Variants in ULK1 observed in about 807,000 individuals in gnomAD.
The protein encoded by ULK1 is serine/threonine-protein kinase ULK1.
Under a neutral mutation model 117.5 loss-of-function variants are expected in ULK1, and 48 were observed. The observed-to-expected ratio is 0.41, with a 90% CI of 0.32 to 0.52. The LOEUF (loss-of-function observed/expected upper bound fraction) is 0.52. Ranked by LOEUF, ULK1 falls within the 20% of genes least tolerant of loss-of-function variation. The pLI is 0.29. For synonymous variants in ULK1, 790 were observed against 637.8 expected (o/e 1.24, Z -3.60); for missense variants, 1,387 against 1,473.4 (o/e 0.94, Z 0.96).
rs771033395 is a variant in ULK1 at position 131,909,925 on chromosome 12, C to T, written c.732C>T (p.Pro244=). Reference sequence around the variant, plus strand: ...CAGCCTCCTCTTGCCCCAGCATCCCCCGGGAGACCTCGGCCCCGCTGCGGC... The same window carrying T: ...CAGCCTCCTCTTGCCCCAGCATCCCTCGGGAGACCTCGGCCCCGCTGCGGC... ...EKNKTLVPTI[P]RETSAPLRQL... Residue 244 remains proline (P), a synonymous_variant, in exon 10 of 28, where the codon CCC becomes CCT. Coordinates refer to ENST00000321867, the MANE Select transcript of ULK1 (RefSeq NM_003565.4). 7 of 1,612,002 alleles carry T rather than the reference C, an allele frequency of 4.3e-6. No individual in the cohort carries two copies. The Admixed American group carries it at 1.0e-4, about 23-fold the overall frequency.
At chr12:131,899,915 C>T (rs1043192984) in intron 3 of ULK1, among the ~76,000 whole-genome samples, 2 of 152,018 alleles carry the variant, frequency 1.3e-5, no homozygotes, top group South Asian at 2.1e-4. Context: ...GTCAGGAGAT[C>T]GAGACTATCC....
In ULK1 at chr12:131,908,634, C is replaced by T. The variant is rs1889380731; in HGVS notation, c.317-10C>T. 2.0e-6 allele frequency: 3 copies of T among 1,488,336 alleles called. No individual in the cohort carries two copies. The highest frequency in any genetic ancestry group is 2.7e-6 in the Non-Finnish European group (3 of 1,125,464). The allele number at this position is 1,488,336 out of a possible 1,614,324, so 92.2% of individuals were successfully genotyped here. On this transcript the variant is annotated splice_polypyrimidine_tract_variant and intron_variant, in intron 5 of 27. Coordinates refer to ENST00000321867, the MANE Select transcript of ULK1 (RefSeq NM_003565.4). The stretch of plus-strand genomic sequence containing the variant: ...ACGGCCCCCAGGCCCTGAGCCGCCT[C>T]TCCCCGCAGCCATGCGCACGCTGAG...
chr12:131,899,081 A>G (rs7133672), intron 3 of ULK1, among the ~76,000 whole-genome samples: 53,343 of 150,900 alleles, frequency 0.35, 13,108 homozygotes, highest in East Asian at 0.69. Flanking sequence ...TTTTCGCCAC[A>G]TTGGCCAGGC....
Position 131,914,437 on chromosome 12 carries a change from G to C in ULK1, c.1333G>C (p.Glu445Gln), listed in dbSNP as rs376911490. The change falls in exon 16 of 28, where the codon GAG (glutamate) becomes CAG (glutamine). Residue 445 changes from glutamate to glutamine, a missense_variant. Around this residue, in one of 4 missense-constraint regions of ULK1, gnomAD observed 900 missense variants for 858.9 expected, o/e 1.05. Coordinates refer to ENST00000321867, the MANE Select transcript of ULK1 (RefSeq NM_003565.4). The stretch of plus-strand genomic sequence containing the variant: ...GCAGGTGCAGAACTACCAGCGCATT[G>C]AGCGAAACCTGCAGTCACCCACCCA... ...PTQVQNYQRI[E>Q]RNLQSPTQFQ... The C allele has an allele frequency of 6.2e-7, 1 of 1,612,760 alleles. No individual in the cohort carries two copies. The highest frequency in any genetic ancestry group is 8.5e-7 in the Non-Finnish European group (1 of 1,179,958).
At chr12:131,907,608 T>TG in intron 5 of ULK1, 77 bp downstream of exon 5, 2 of 1,537,830 alleles carry the variant, frequency 1.3e-6, no homozygotes, top group Admixed American at 3.8e-5. Context: ...TGGCCCAGTC[T>TG]GGGAGGCAGC....
At chr12:131,919,756 C>T (rs577794881) in intron 25 of ULK1, 166 bp downstream of exon 25, 57 of 1,026,576 alleles carry the variant, frequency 5.6e-5, no homozygotes, top group Middle Eastern at 6.4e-4. Flanking sequence ...GCCATTGGGT[C>T]GGACAGCACC....
intron 20 of ULK1, 116 bp from the exon 21 acceptor site, chr12:131,916,837 T>C (rs1405673392): frequency 6.6e-6 from 7 of 1,054,070 alleles, no homozygotes; most frequent in South Asian, 1.7e-5. Context: ...CGCCTGCCTC[T>C]CGAGGTGGGC....
Position 131,895,046 on chromosome 12 carries a change from G to A in ULK1, c.45G>A (p.Glu15=). The change falls in exon 1 of 28, where the codon GAG becomes GAA. Residue 15 remains glutamate (E), a synonymous_variant. Transcript: ENST00000321867. ...GCACAGAGACCGTGGGCAAGTTCGA[G>A]TTCTCCCGCAAGGACCTGATCGGCC... ...RGGTETVGKF[E]FSRKDLIGHG... 6.3e-7 allele frequency: 1 copy of A among 1,579,366 alleles called. No homozygotes were observed. Among genetic ancestry groups the A allele is most frequent in the Non-Finnish European group, 8.5e-7 (1 of 1,169,898 alleles).
At chr12:131,907,370 G>T in intron 4 of ULK1, 125 bp from the exon 5 acceptor site, 1 of 1,247,874 alleles carries the variant, frequency 8.0e-7, no homozygotes, top group Non-Finnish European at 1.1e-6. Context: ...CACCTGCCCT[G>T]GGCTGGGCAG....
At chr12:131,909,708 C>CCG in intron 8 of ULK1, 67 bp from the exon 9 acceptor site, 1 of 1,456,322 alleles carries the variant, frequency 6.9e-7, no homozygotes, top group Non-Finnish European at 9.1e-7. Context: ...GACGAACGCA[C>CCG]CGAGACCCCG....
chr12:131,919,004 GTGTGTGGGGTGTCGGC>G (rs1433144972), intron 23 of ULK1, among the ~76,000 whole-genome samples, 192 bp from the exon 24 acceptor site: 1 of 143,098 alleles, frequency 7.0e-6, no homozygotes, highest in Non-Finnish European at 1.5e-5. Context: ...GGGGTGCAGG[GTGTGTGGGGTGTCGGC>G]TGTGTGGGGT....
chr12:131,921,483 C>A lies in ULK1; in HGVS notation c.*122C>A. The stretch of plus-strand genomic sequence containing the variant: ...CGCTGGTGCTGAGCCCTGCCCTGGG[C>A]CCCACGGACAGTCAGCCTGCCGGCC... On this transcript the variant is annotated 3_prime_UTR_variant, in exon 28 of 28. Transcript: ENST00000321867. 1.4e-6 allele frequency: 2 copies of A among 1,451,150 alleles called. No homozygotes were observed. Among genetic ancestry groups the A allele is most frequent in the Admixed American group, 1.8e-5 (1 of 56,720 alleles). 89.9% of individuals were successfully genotyped at this position (1,451,150 alleles called of 1,614,324 possible).
intron 20 of ULK1, 137 bp downstream of exon 20, chr12:131,916,728 G>A (rs1294583435): frequency 4.1e-5 from 51 of 1,236,594 alleles, no homozygotes; most frequent in Non-Finnish European, 5.3e-5. Flanking sequence ...GTGTGGCTGG[G>A]TGCCAGAGAG....
At chr12:131,898,959 A>G (rs923331738) in intron 3 of ULK1, among the ~76,000 whole-genome samples, 12 of 146,912 alleles carry the variant, frequency 8.2e-5, no homozygotes, top group Non-Finnish European at 1.5e-4. Flanking sequence ...GCTCACTGCA[A>G]CCTCCACCTC....
At chr12:131,916,640 T>C in intron 20 of ULK1, 49 bp downstream of exon 20, 1 of 1,476,446 alleles carries the variant, frequency 6.8e-7, no homozygotes, top group Non-Finnish European at 8.9e-7. Context: ...GGCAGCCTCT[T>C]TCCCCTGCAT....
chr12:131,910,622 A>G (rs2136394029), intron 11 of ULK1, 90 bp from the exon 12 acceptor site: 6 of 1,610,820 alleles, frequency 3.7e-6, no homozygotes, highest in Middle Eastern at 1.7e-4. Context: ...TGGAGGGGAT[A>G]TGGTTGAGCT....
chr12:131,911,713 A>G (rs1233399647), intron 12 of ULK1, among the ~76,000 whole-genome samples: 1 of 152,038 alleles, frequency 6.6e-6, no homozygotes, highest in African/African-American at 2.4e-5. Flanking sequence ...GCATGGTGAG[A>G]GTGGCTCGTC....
intron 23 of ULK1, among the ~76,000 whole-genome samples, chr12:131,918,906 T>G (rs992025845): frequency 5.8e-5 from 2 of 34,776 alleles, no homozygotes; most frequent in Non-Finnish European, 1.1e-4. Context: ...GTGTGGGGTG[T>G]AGGGTGTGTG....
Position 131,914,373 on chromosome 12 carries a change from C to T in ULK1, c.1269C>T (p.Ser423=), listed in dbSNP as rs1889679099. 6.2e-7 allele frequency: 1 copy of T among 1,611,920 alleles called. No individual in the cohort carries two copies. Among genetic ancestry groups the T allele is most frequent in the East Asian group, 2.2e-5 (1 of 44,886 alleles). ...ACAGCCGGGCTGGCCCGTTCTCCAG[C>T]AGCAGGTGCGGCGCCTCTGTCCCCA... ...SPSGRAGPFS[S]SRCGASVPIP... is the part of the protein sequence containing the mutation. Residue 423 remains serine (S), a synonymous_variant, in exon 16 of 28, where the codon AGC becomes AGT. Transcript: ENST00000321867.
Sources: allele counts gnomAD v4.1 joint callset (sites outside exome capture counted in the v4.1 genomes callset), GRCh38; gene constraint gnomAD v4.1.1; regional missense constraint gnomAD v4.1.1; transcripts MANE v1.5; gene names NCBI Gene and HGNC (gene_info 2026-07-23, HGNC 2026-07-21).